The following DCC variants were observed in gnomAD, a reference collection of about 807,000 sequenced individuals.
DCC encodes the protein DCC netrin 1 receptor.
In DCC, 58 loss-of-function variants were observed where a neutral mutation model predicts 172.5. The ratio of observed to expected loss-of-function variants is 0.34; its 90% confidence interval spans 0.27 to 0.42. The LOEUF (loss-of-function observed/expected upper bound fraction) is 0.42, where lower values mean the gene tolerates loss of function less well. Ranked by LOEUF, DCC falls within the 10% of genes least tolerant of loss-of-function variation. DCC has a pLI of 1.00. For synonymous variants in DCC, 709 were observed against 644.5 expected (o/e 1.10, Z -1.52); for missense variants, 1,740 against 1,791.0 (o/e 0.97, Z 0.51).
At chr18:53,361,961 A>G (rs1035037417) in intron 15 of DCC, among the ~76,000 whole-genome samples, 5 of 152,206 alleles carry the variant, frequency 3.3e-5, no homozygotes, top group African/African-American at 7.2e-5. Flanking sequence ...CTATAAAAGT[A>G]TTGGACAAAA....
intron 1 of DCC, among the ~76,000 whole-genome samples, chr18:52,397,182 T>G (rs1231770418): frequency 6.6e-6 from 1 of 151,654 alleles, no homozygotes; most frequent in Non-Finnish European, 1.5e-5. Context: ...GTGGGGAGCA[T>G]GTAAAACAGT....
chr18:52,939,478 A>C (rs1420246789), intron 5 of DCC, among the ~76,000 whole-genome samples: 1 of 151,986 alleles, frequency 6.6e-6, no homozygotes, highest in African/African-American at 2.4e-5. Flanking sequence ...TCCTTATTTT[A>C]TGTACTGTTT....
rs1297419802 is a variant in DCC at position 53,091,843 on chromosome 18, CTATCTATCAATCTATCTATA to C, written c.1261+25681_1261+25700del. On this transcript the variant is annotated intron_variant, in intron 7 of 28. Transcript: ENST00000442544. ...TCTATCTATCTATCTATCTATCTAT[CTATCTATCAATCTATCTATA>C]TATATATATATATCTACATAAATAT... Among the ~76,000 whole-genome samples the C allele has an allele frequency of 2.5e-3, 158 of 64,190 alleles. 1 individual carries two copies. The highest frequency in any genetic ancestry group is 0.014 in the East Asian group (6 of 432). 42.1% of individuals were successfully genotyped at this position (64,190 alleles called of 152,430 possible). A position where few individuals can be genotyped will look rare whatever the true frequency, so the allele number is the denominator to read the frequency against.
chr18:52,858,422 A>G (rs1372737327), intron 2 of DCC, among the ~76,000 whole-genome samples: 1 of 152,164 alleles, frequency 6.6e-6, no homozygotes, highest in African/African-American at 2.4e-5. Flanking sequence ...TTTTATTTGG[A>G]ACTCACAACA....
At chr18:52,814,167 C>T (rs980000049) in intron 2 of DCC, among the ~76,000 whole-genome samples, 5 of 152,218 alleles carry the variant, frequency 3.3e-5, no homozygotes, top group South Asian at 4.1e-4. Flanking sequence ...GTTTGTGTTG[C>T]AGTGCAGGGA....
At chr18:52,486,601 G>A (rs906926986) in intron 1 of DCC, among the ~76,000 whole-genome samples, 1 of 152,036 alleles carries the variant, frequency 6.6e-6, no homozygotes, top group African/African-American at 2.4e-5. Flanking sequence ...TACAAAGCAG[G>A]AATAACACTT....
intron 15 of DCC, among the ~76,000 whole-genome samples, chr18:53,363,537 A>T (rs2057971194): frequency 6.6e-6 from 1 of 152,130 alleles, no homozygotes; most frequent in Non-Finnish European, 1.5e-5. Context: ...GCGTTCTTTT[A>T]TAACTCTCCA....
At chr18:53,141,727 T>C (rs2043833225) in intron 7 of DCC, among the ~76,000 whole-genome samples, 2 of 152,228 alleles carry the variant, frequency 1.3e-5, no homozygotes, top group South Asian at 4.1e-4. Flanking sequence ...TTTCTTGTGG[T>C]ACATTGTTCT....
chr18:53,280,919 T>C (rs2056862783), intron 12 of DCC, among the ~76,000 whole-genome samples: 1 of 152,084 alleles, frequency 6.6e-6, no homozygotes, highest in Admixed American at 6.6e-5. Context: ...AGATTAACTA[T>C]CTTGTAATTT....
At position 52,382,253 on chromosome 18, in the gene DCC, A is replaced by G. The variant is rs79584183; in HGVS notation, c.91+41375A>G. ...ATAAAATCACAATAATTTACGTGCT[A>G]TAATAAAATTATTTAGAAAACACCA... On this transcript the variant is annotated intron_variant, in intron 1 of 28. Transcript: ENST00000442544. Among the ~76,000 whole-genome samples the G allele has an allele frequency of 1.3e-3, 199 of 152,264 alleles. 1 individual carries two copies. Among genetic ancestry groups the G allele is most frequent in the African/African-American group, 4.0e-3 (168 of 41,574 alleles).
At chr18:52,992,630 C>T (rs532167492) in intron 5 of DCC, among the ~76,000 whole-genome samples, 1 of 148,060 alleles carries the variant, frequency 6.8e-6, no homozygotes, top group Admixed American at 6.6e-5. Flanking sequence ...GACAGTTGTG[C>T]AAACTCATAA....
intron 12 of DCC, among the ~76,000 whole-genome samples, chr18:53,247,099 G>T (rs182703667): frequency 1.3e-5 from 2 of 152,166 alleles, no homozygotes; most frequent in Admixed American, 1.3e-4. Context: ...CTACATGGCA[G>T]AGTATCATGA....
chr18:52,931,809 T>C (rs1214553850), intron 5 of DCC: 1 of 152,080 alleles, frequency 6.6e-6, no homozygotes, highest in Non-Finnish European at 1.5e-5. Flanking sequence ...AAAGTATTGG[T>C]GGACACCTTT....
chr18:52,742,347 T>TA (rs767833009), intron 1 of DCC, among the ~76,000 whole-genome samples: 106 of 152,196 alleles, frequency 7.0e-4, no homozygotes, highest in Middle Eastern at 3.2e-3. Context: ...CTATAGCACT[T>TA]AGTCTCTTCT....
chr18:53,079,224 A>C (rs2042765263), intron 7 of DCC, among the ~76,000 whole-genome samples: 1 of 152,246 alleles, frequency 6.6e-6, no homozygotes, highest in Non-Finnish European at 1.5e-5. Context: ...TTGGTAGCCT[A>C]TACATAAGTC....
At chr18:52,893,100 G>T (rs1346066326) in intron 2 of DCC, among the ~76,000 whole-genome samples, 1 of 152,042 alleles carries the variant, frequency 6.6e-6, no homozygotes, top group Non-Finnish European at 1.5e-5. Context: ...ACGGAATAAA[G>T]GCTTTGGGCA....
chr18:52,876,918 G>C (rs2039412076), intron 2 of DCC, among the ~76,000 whole-genome samples: 1 of 152,102 alleles, frequency 6.6e-6, no homozygotes, highest in Non-Finnish European at 1.5e-5. Context: ...CTAGAATAGT[G>C]TTGCTAGATT....
intron 1 of DCC, among the ~76,000 whole-genome samples, chr18:52,343,869 C>T (rs372320246): frequency 2.0e-4 from 30 of 152,244 alleles, no homozygotes; most frequent in African/African-American, 4.1e-4. Flanking sequence ...TTTTGAGTGG[C>T]GGGAGTATGG....
intron 2 of DCC, among the ~76,000 whole-genome samples, chr18:52,830,535 C>T (rs192532498): frequency 1.6e-4 from 25 of 152,222 alleles, no homozygotes; most frequent in African/African-American, 4.3e-4. Flanking sequence ...TGTTAAGAGG[C>T]TATTGGATGA....
Sources: gnomAD v4.1 joint callset for allele counts (sites outside exome capture counted in the v4.1 genomes callset) on GRCh38, gnomAD v4.1.1 for gene constraint, MANE v1.5 for transcripts, NCBI Gene and HGNC (gene_info 2026-07-23, HGNC 2026-07-21) for gene names.